The following COPB1 variants were observed in gnomAD, a reference collection of about 807,000 sequenced individuals.
COPB1 encodes coatomer subunit beta.
COPB1 carries 21 observed loss-of-function variants against 108.7 expected under a neutral mutation model. That is an observed-to-expected ratio of 0.19 (90% CI 0.14 to 0.28). The LOEUF (loss-of-function observed/expected upper bound fraction) is 0.28. Among genes scored for constraint, COPB1 ranks in the 10% least tolerant of loss-of-function variants. The probability of loss-of-function intolerance (pLI) is 1.00; values close to 1 mark genes in which losing one functional copy is unlikely to be tolerated. For synonymous variants in COPB1, 378 were observed against 386.8 expected, an observed-to-expected ratio of 0.98 and a Z score of 0.27; for missense variants, 919 against 1,141.3, an observed-to-expected ratio of 0.81 and a Z score of 2.81.
chr11:14,474,565 G>A lies in COPB1; in HGVS notation c.1667C>T (p.Ser556Phe). The change falls in exon 14 of 22, where the codon TCC (serine) becomes TTC (phenylalanine). Residue 556 changes from serine (S) to phenylalanine (F), a missense_variant. Physicochemically the swap from Ser to Phe is radical, Grantham distance 155 (BLOSUM62 -2). Around this residue, in one of 5 missense-constraint regions of COPB1, gnomAD observed 705 missense variants for 817.8 expected, o/e 0.86. Transcript: ENST00000439561. The part of the protein sequence containing the change: ...LLDGDFFVAA[S>F]LATTLTKIAL... ...AATCTTGGTCAGAGTTGTGGCAAGG[G>A]AGGCAGCAACAAAGAAATCTCCATC... The A allele has an allele frequency of 6.2e-7, 1 of 1,614,046 alleles. No individual in the cohort carries two copies. Among genetic ancestry groups the A allele is most frequent in the East Asian group, 2.2e-5 (1 of 44,866 alleles).
At chr11:14,462,176 G>A (rs780133946) in intron 18 of COPB1, among the ~76,000 whole-genome samples, 1 of 150,622 alleles carries the variant, frequency 6.6e-6, no homozygotes, top group Non-Finnish European at 1.5e-5. Context: ...TTCTTCCACA[G>A]TAGAGAGTTA....
Position 14,486,415 on chromosome 11 carries a change from T to C in COPB1, c.789A>G (p.Glu263=). Residue 263 remains glutamate (E), a synonymous_variant, in exon 7 of 22, where the codon GAA becomes GAG. Transcript: ENST00000439561. ...LQSSSPAVKY[E]AAGTLVTLSS... ...AGAGTGTCACTAATGTCCCAGCAGC[T>C]TCATATTTTACAGCAGGGCTGGATG... 1.2e-6 allele frequency: 2 copies of C among 1,614,142 alleles called. No individual in the cohort carries two copies. Among genetic ancestry groups the C allele is most frequent in the Admixed American group, 1.7e-5 (1 of 60,016 alleles).
rs902679300 is a variant in COPB1, at chr11:14,481,002, T to C, written c.1053A>G (p.Arg351=). 2.5e-6 allele frequency: 4 copies of C among 1,613,844 alleles called. No homozygotes were observed. The African/African-American group carries it at 4.0e-5, about 16-fold the overall frequency. ...LQLALDLVSS[R]NVEELVIVLK... is the part of the protein sequence containing the mutation. ...AGTTTCCTTTTACCTCTTCAACATT[T>C]CTAGAAGAGACAAGATCCAGTGCTA... Residue 351 remains arginine, a synonymous_variant, in exon 9 of 22, where the codon AGA becomes AGG. Transcript: ENST00000439561.
At position 14,499,702 on chromosome 11, in the gene COPB1, C is replaced by T. The variant is rs1851112989; in HGVS notation, c.-58+5G>A. The stretch of plus-strand genomic sequence containing the variant: ...AGCCAGTTCTTCCGACTCTGCCCGA[C>T]CCACCACGCCTCTGGGACTGGGGGC... On this transcript the variant is annotated splice_donor_5th_base_variant and intron_variant, in intron 1 of 21. Transcript: ENST00000439561. 1 of 152,380 alleles carries T rather than the reference C, an allele frequency of 6.6e-6. No individual in the cohort carries two copies. The highest frequency in any genetic ancestry group is 1.5e-5 in the Non-Finnish European group (1 of 68,258). The allele number at this position is 152,380 out of a possible 1,614,324, so 9.4% of individuals were successfully genotyped here.
At chr11:14,494,077 C>A in intron 3 of COPB1, 133 bp downstream of exon 3, 1 of 708,646 alleles carries the variant, frequency 1.4e-6, no homozygotes, top group Non-Finnish European at 2.3e-6. Context: ...AAAAATAACT[C>A]TTTTACAATT....
intron 4 of COPB1, among the ~76,000 whole-genome samples, chr11:14,491,602 G>C (rs1589968278): frequency 6.6e-6 from 1 of 151,564 alleles, no homozygotes; most frequent in African/African-American, 2.4e-5. Flanking sequence ...CTGGGAGGTG[G>C]AGGCTGCAGT....
chr11:14,481,767 C>A (rs1850665086), intron 8 of COPB1, among the ~76,000 whole-genome samples: 1 of 152,146 alleles, frequency 6.6e-6, no homozygotes, highest in Non-Finnish European at 1.5e-5. Flanking sequence ...CCTACATTCA[C>A]CAGTTAATAT....
chr11:14,466,835 C>T (rs1207023024), intron 16 of COPB1, among the ~76,000 whole-genome samples: 1 of 152,100 alleles, frequency 6.6e-6, no homozygotes, highest in African/African-American at 2.4e-5. Flanking sequence ...ATCTATGAAA[C>T]TCAGGATCCA....
chr11:14,475,153 A>C (rs1327434850), intron 13 of COPB1, among the ~76,000 whole-genome samples: 1 of 152,010 alleles, frequency 6.6e-6, no homozygotes, highest in Non-Finnish European at 1.5e-5. Flanking sequence ...AAAAGCCATC[A>C]GAATATGGAA....
At chr11:14,489,748 G>A (rs1366884901) in intron 5 of COPB1, among the ~76,000 whole-genome samples, 2 of 152,140 alleles carry the variant, frequency 1.3e-5, no homozygotes, top group Non-Finnish European at 1.5e-5. Context: ...ATTTTTTAAT[G>A]GGTACAGAGT....
In COPB1 at chr11:14,483,204, T is replaced by C. The variant is rs1850700135; in HGVS notation, c.838-53A>G. On this transcript the variant is annotated intron_variant, in intron 7 of 21. Transcript: ENST00000439561. ...GAAGTTATTCATCTATCATAAAATT[T>C]GAAAATAAGCATGCGCGCGCACACC... 5 of 1,395,702 alleles carry C rather than the reference T, an allele frequency of 3.6e-6. 1 individual carries two copies. In the Middle Eastern group the frequency reaches 1.1e-3, roughly 294 times the overall value. 86.5% of individuals were successfully genotyped at this position (1,395,702 alleles called of 1,614,324 possible).
In COPB1 at chr11:14,469,539, G is replaced by A. The variant is rs1850359026; in HGVS notation, c.1762C>T (p.Leu588Phe). The change falls in exon 15 of 22, where the codon CTC becomes TTC. Residue 588 changes from leucine to phenylalanine, a missense_variant. Around this residue, in one of 5 missense-constraint regions of COPB1, gnomAD observed 705 missense variants for 817.8 expected, o/e 0.86. Transcript: ENST00000439561. Reference sequence around the variant, plus strand: ...CCCAAATGCAGGATAGTAGCCATGAGCAACATAGCCTCAGCAACAAAAGAC... The same window carrying A: ...CCCAAATGCAGGATAGTAGCCATGAACAACATAGCCTCAGCAACAAAAGAC... ...QNSFVAEAML[L>F]MATILHLGKS... 7 of 1,614,118 alleles carry A rather than the reference G, an allele frequency of 4.3e-6. No individual in the cohort carries two copies. Among genetic ancestry groups the A allele is most frequent in the Non-Finnish European group, 5.9e-6 (7 of 1,180,000 alleles).
At chr11:14,472,059 G>A (rs986759873) in intron 14 of COPB1, among the ~76,000 whole-genome samples, 1 of 152,210 alleles carries the variant, frequency 6.6e-6, no homozygotes, top group African/African-American at 2.4e-5. Flanking sequence ...GGAATCAAAA[G>A]GAGTCCCATT....
In COPB1 at chr11:14,457,591, G is replaced by A; in HGVS notation, c.*233C>T. Reference sequence around the variant, plus strand: ...TTTATTGTACTGTGAAAAGGGTCTTGGTACATGAAACATTATATACTTTGA... The same window carrying A: ...TTTATTGTACTGTGAAAAGGGTCTTAGTACATGAAACATTATATACTTTGA... On this transcript the variant is annotated 3_prime_UTR_variant, in exon 22 of 22. Transcript: ENST00000439561. The A allele has an allele frequency of 2.7e-6, 1 of 370,412 alleles. No homozygotes were observed. 22.9% of individuals were successfully genotyped at this position (370,412 alleles called of 1,614,324 possible).
intron 4 of COPB1, among the ~76,000 whole-genome samples, chr11:14,493,027 T>C (rs1295012711): frequency 6.6e-6 from 1 of 152,080 alleles, no homozygotes; most frequent in Non-Finnish European, 1.5e-5. Context: ...GTGCCTGTAA[T>C]CCCAGCTACT....
intron 6 of COPB1, among the ~76,000 whole-genome samples, chr11:14,488,163 A>C (rs529187124): frequency 6.6e-6 from 1 of 152,216 alleles, no homozygotes; most frequent in African/African-American, 2.4e-5. Flanking sequence ...ATGTATGCTC[A>C]AGAAAATCTT....
chr11:14,493,572 C>A, intron 4 of COPB1, 70 bp downstream of exon 4: 1 of 1,355,538 alleles, frequency 7.4e-7, no homozygotes, highest in South Asian at 1.8e-5. Context: ...CAAGCAACCA[C>A]TTTGGAACCA....
intron 15 of COPB1, 59 bp downstream of exon 15, chr11:14,469,277 G>GT: frequency 4.3e-6 from 6 of 1,388,332 alleles, no homozygotes; most frequent in Non-Finnish European, 5.1e-6. Context: ...GATTACAGGC[G>GT]TGAGCCACTG....
rs762265361 is a variant in COPB1, at chr11:14,475,877, T to C, written c.1524A>G (p.Val508=). The stretch of plus-strand genomic sequence containing the variant: ...CAGTAACCAATTTCTGAACTGGCCC[T>C]ACAGTTATTTCTTCTTCAGGTTTTA... ...GELKPEEEIT[V]GPVQKLVTEM... The change falls in exon 13 of 22, where the codon GTA becomes GTG. Residue 508 remains valine, a synonymous_variant. Transcript: ENST00000439561. 6.2e-7 allele frequency: 1 copy of C among 1,613,704 alleles called. No individual in the cohort carries two copies. The highest frequency in any genetic ancestry group is 8.5e-7 in the Non-Finnish European group (1 of 1,179,822).
Sources: gnomAD v4.1 joint callset for allele counts (sites outside exome capture counted in the v4.1 genomes callset) on GRCh38, gnomAD v4.1.1 for gene constraint, gnomAD v4.1.1 regional missense constraint, MANE v1.5 for transcripts, NCBI Gene and HGNC (gene_info 2026-07-23, HGNC 2026-07-21) for gene names.